The following F13B variants were observed in gnomAD, a reference collection of about 807,000 sequenced individuals.
F13B encodes the protein TGase.
In F13B, 58 loss-of-function variants were observed where a neutral mutation model predicts 79.8. The ratio of observed to expected loss-of-function variants is 0.73; its 90% CI spans 0.59 to 0.90. The LOEUF (loss-of-function observed/expected upper bound fraction) is 0.90, where lower values mean the gene tolerates loss of function less well. F13B is among the 40% of genes least tolerant of loss of function. The pLI is 0.00. For missense variants in F13B, 773 were observed against 777.0 expected, an observed-to-expected ratio of 0.99 and a Z score of 0.06; for synonymous variants, 283 against 260.3, an observed-to-expected ratio of 1.09 and a Z score of -0.84.
intron 5 of F13B, among the ~76,000 whole-genome samples, chr1:197,058,290 CTAAAT>C (rs1387711362): frequency 6.6e-6 from 1 of 152,178 alleles, no homozygotes; most frequent in East Asian, 1.9e-4. Flanking sequence ...CCACGTCTGT[CTAAAT>C]TAAAGTCTCC....
intron 7 of F13B, 53 bp downstream of exon 7, chr1:197,056,960 G>A (rs1655661859): frequency 1.3e-6 from 2 of 1,591,920 alleles, no homozygotes; most frequent in African/African-American, 1.3e-5. Flanking sequence ...GTAACAGAAT[G>A]GAAAATTTTA....
intron 11 of F13B, 93 bp from the exon 12 acceptor site, chr1:197,039,504 T>G: frequency 1.1e-6 from 1 of 952,064 alleles, no homozygotes; most frequent in Non-Finnish European, 1.7e-6. Flanking sequence ...ATATAATGAG[T>G]CATTGTTTTT....
chr1:197,042,476 C>T (rs1655069347), intron 10 of F13B, among the ~76,000 whole-genome samples: 1 of 151,798 alleles, frequency 6.6e-6, no homozygotes, highest in African/African-American at 2.4e-5. Context: ...CTCCAAGGAA[C>T]TTAGTCAAGG....
intron 10 of F13B, among the ~76,000 whole-genome samples, chr1:197,044,271 G>C (rs1378705367): frequency 6.6e-6 from 1 of 152,016 alleles, no homozygotes. Context: ...CTTGCTCACT[G>C]CTAGCTCAGC....
At chr1:197,064,304 C>T (rs913836752) in intron 1 of F13B, among the ~76,000 whole-genome samples, 1 of 152,024 alleles carries the variant, frequency 6.6e-6, no homozygotes, top group Non-Finnish European at 1.5e-5. Flanking sequence ...AAAAAAAGCA[C>T]ATATTTGTAT....
At chr1:197,064,816 A>C (rs1655992255) in intron 1 of F13B, among the ~76,000 whole-genome samples, 1 of 152,194 alleles carries the variant, frequency 6.6e-6, no homozygotes. Context: ...GAAATGCTCG[A>C]ACAATCCTAG....
At position 197,057,184 on chromosome 1, in the gene F13B, C is replaced by A. The variant is rs1180049774; in HGVS notation, c.1000G>T (p.Val334Leu). The A allele has an allele frequency of 6.2e-7, 1 of 1,613,918 alleles. No individual in the cohort carries two copies. The highest frequency in any genetic ancestry group is 8.5e-7 in the Non-Finnish European group (1 of 1,179,918). ...PPKCIEGQEK[V>L]ACEEPPFIEN... ...ATGAAGGGTGGTTCCTCACAGGCTA[C>A]CTTCTCCTGTCCTTCTGAAAAGGTA... The change falls in exon 7 of 12, where the codon GTA (valine) becomes TTA (leucine). Residue 334 changes from valine to leucine, a missense_variant. Transcript: ENST00000367412.
intron 11 of F13B, among the ~76,000 whole-genome samples, chr1:197,039,937 T>C (rs17514816): frequency 1.3e-5 from 2 of 152,174 alleles, no homozygotes; most frequent in African/African-American, 4.8e-5. Context: ...ATATATAGTG[T>C]CTTCAAAAAG....
rs759166790 is a variant in F13B at position 197,060,908 on chromosome 1, T to G, written c.619A>C (p.Lys207Gln). ...CCAAATGAGAACCTACTGGTACATT[T>G]TGGTGTGAGAGACCATCCGTATGTG... ...CLTYGWSLTP[K>Q]CTKLKCSSLR... is the part of the protein sequence containing the mutation. Residue 207 changes from lysine to glutamine, a missense_variant, in exon 4 of 12, where the codon AAA becomes CAA. Transcript: ENST00000367412. 7 of 1,613,100 alleles carry G rather than the reference T, an allele frequency of 4.3e-6. No individual in the cohort carries two copies. In the East Asian group the frequency reaches 1.3e-4, roughly 31 times the overall value.
chr1:197,044,572 C>A (rs1330441651), intron 10 of F13B, among the ~76,000 whole-genome samples: 1 of 152,070 alleles, frequency 6.6e-6, no homozygotes, highest in Non-Finnish European at 1.5e-5. Context: ...GACTTTAACA[C>A]CCCACTGTCA....
chr1:197,049,336 A>G (rs1655356419), intron 10 of F13B, among the ~76,000 whole-genome samples: 1 of 152,028 alleles, frequency 6.6e-6, no homozygotes, highest in African/African-American at 2.4e-5. Flanking sequence ...TTTTTTGAAA[A>G]CACTAATAAA....
chr1:197,047,408 C>G (rs111320296), intron 10 of F13B, among the ~76,000 whole-genome samples: 1 of 152,138 alleles, frequency 6.6e-6, no homozygotes, highest in Non-Finnish European at 1.5e-5. Flanking sequence ...TGAAAAAATG[C>G]TCATCATCAC....
At chr1:197,040,262 T>C in intron 11 of F13B, 1 of 425,942 alleles carries the variant, frequency 2.3e-6, no homozygotes, top group South Asian at 2.9e-5. Flanking sequence ...CACGTATAAA[T>C]TGGTTTATTT....
At position 197,062,118 on chromosome 1, in the gene F13B, C is replaced by A. The variant is rs184055858; in HGVS notation, c.266-149G>T. 1.0e-5 allele frequency: 7 copies of A among 686,906 alleles called. No homozygotes were observed. The African/African-American group carries it at 1.1e-4, about 10-fold the overall frequency. The allele number at this position is 686,906 out of a possible 1,614,324, so 42.6% of individuals were successfully genotyped here. A position where few individuals can be genotyped will look rare whatever the true frequency, so the allele number is the denominator to read the frequency against. On this transcript the variant is annotated intron_variant, in intron 2 of 11. Transcript: ENST00000367412. ...TTTTTTGAAAATGGATTCAATTTAACACTGACTCTCTTTGTATTTACTAAT... is the reference window on the plus strand; with the variant it reads ...TTTTTTGAAAATGGATTCAATTTAAAACTGACTCTCTTTGTATTTACTAAT...
chr1:197,055,608 C>T, intron 8 of F13B, 107 bp downstream of exon 8: 3 of 1,220,604 alleles, frequency 2.5e-6, no homozygotes, highest in Non-Finnish European at 2.4e-6. Flanking sequence ...AGAGAAAACA[C>T]TTGTGAAAAA....
chr1:197,056,967 T>A (rs1388147808), intron 7 of F13B, 46 bp downstream of exon 7: 3 of 1,601,880 alleles, frequency 1.9e-6, no homozygotes, highest in Non-Finnish European at 2.6e-6. Flanking sequence ...AATGGAAAAT[T>A]TTACACCATA....
At chr1:197,062,074 T>A in intron 2 of F13B, 105 bp from the exon 3 acceptor site, 1 of 990,394 alleles carries the variant, frequency 1.0e-6, no homozygotes, top group Non-Finnish European at 1.5e-6. Flanking sequence ...CGATTTCATT[T>A]TGGAAATATC....
intron 10 of F13B, among the ~76,000 whole-genome samples, chr1:197,045,128 G>A (rs17514753): frequency 3.3e-4 from 50 of 152,058 alleles, no homozygotes; most frequent in African/African-American, 1.1e-3. Flanking sequence ...ACATTCAAAC[G>A]CTAGCAGAAG....
intron 9 of F13B, 67 bp from the exon 10 acceptor site, chr1:197,050,946 T>C: frequency 7.4e-7 from 1 of 1,356,178 alleles, no homozygotes; most frequent in Non-Finnish European, 1.0e-6. Flanking sequence ...TTATAAGTGC[T>C]ACAGAGACAG....
Sources: allele counts gnomAD v4.1 joint callset (sites outside exome capture counted in the v4.1 genomes callset), GRCh38; gene constraint gnomAD v4.1.1; transcripts MANE v1.5; gene names NCBI Gene and HGNC (gene_info 2026-07-23, HGNC 2026-07-21).